Variants in LCLAT1 observed in about 807,000 individuals in gnomAD.
LCLAT1 encodes lysocardiolipin acyltransferase 1.
Under a neutral mutation model 30.7 loss-of-function variants are expected in LCLAT1, and 11 were observed. The ratio of observed to expected loss-of-function variants is 0.36; its 90% CI spans 0.23 to 0.59. LCLAT1 has a LOEUF of 0.59. LCLAT1 is among the 20% of genes least tolerant of loss of function. LCLAT1 has a pLI of 0.77. For synonymous variants in LCLAT1, 155 were observed against 151.3 expected (o/e 1.02, Z -0.18); for missense variants, 402 against 458.6 (o/e 0.88, Z 1.13).
chr2:30,454,392 G>C (rs1681717945), intron 1 of LCLAT1, among the ~76,000 whole-genome samples: 1 of 151,918 alleles, frequency 6.6e-6, no homozygotes, highest in Admixed American at 6.6e-5. Flanking sequence ...TGAATTACTG[G>C]GTTAACATAC....
At chr2:30,573,082 G>C (rs1665852343) in intron 5 of LCLAT1, among the ~76,000 whole-genome samples, 1 of 152,142 alleles carries the variant, frequency 6.6e-6, no homozygotes, top group East Asian at 1.9e-4. Flanking sequence ...TGTAAAAACA[G>C]AATGTACTTA....
intron 3 of LCLAT1, among the ~76,000 whole-genome samples, chr2:30,536,859 C>G (rs1006583207): frequency 6.6e-5 from 10 of 152,106 alleles, no homozygotes; most frequent in African/African-American, 2.4e-4. Flanking sequence ...AAGTCCTCAC[C>G]TATTAATAAC....
At chr2:30,455,426 T>C (rs1321225245) in intron 1 of LCLAT1, among the ~76,000 whole-genome samples, 1 of 152,210 alleles carries the variant, frequency 6.6e-6, no homozygotes, top group African/African-American at 2.4e-5. Context: ...TCATTATCAG[T>C]CAGCCAAGAT....
Position 30,447,383 on chromosome 2 carries a change from G to A in LCLAT1, c.-5G>A, listed in dbSNP as rs1026471212. 6.6e-6 allele frequency: 1 copy of A among 152,368 alleles called. No individual in the cohort carries two copies. The allele number at this position is 152,368 out of a possible 1,614,324, so 9.4% of individuals were successfully genotyped here. On this transcript the variant is annotated splice_region_variant and 5_prime_UTR_variant, in exon 1 of 6. Transcript: ENST00000379509. The stretch of plus-strand genomic sequence containing the variant: ...CGCGCGGCGTGCCCTGCTTGTCACA[G>A]GTGGGAGGCTGGAACTATCAGGTGG...
chr2:30,468,440 A>G (rs1558457011), intron 1 of LCLAT1, among the ~76,000 whole-genome samples: 1 of 152,036 alleles, frequency 6.6e-6, no homozygotes, highest in Non-Finnish European at 1.5e-5. Context: ...TGCAAAATTA[A>G]TTGAAATTTC....
At chr2:30,474,135 C>A (rs1265037253) in intron 1 of LCLAT1, among the ~76,000 whole-genome samples, 1 of 152,032 alleles carries the variant, frequency 6.6e-6, no homozygotes, top group African/African-American at 2.4e-5. Flanking sequence ...TAAAATAACC[C>A]ACAAATTTAT....
Position 30,462,656 on chromosome 2 carries a change from A to G in LCLAT1, c.-5+15273A>G, listed in dbSNP as rs116465288. Among the ~76,000 whole-genome samples the G allele has an allele frequency of 6.6e-3, 1,012 of 152,356 alleles. 10 individuals are homozygous for G. The highest frequency in any genetic ancestry group is 0.023 in the African/African-American group (960 of 41,580). ...TCTTTTAACTGACAGAGCTTGTGCTAAAGCTTTGTCCTTTGAAGCTAGAGT... is the reference window on the plus strand; with the variant it reads ...TCTTTTAACTGACAGAGCTTGTGCTGAAGCTTTGTCCTTTGAAGCTAGAGT... On this transcript the variant is annotated intron_variant, in intron 1 of 5. Coordinates refer to ENST00000379509, the MANE Select transcript of LCLAT1 (RefSeq NM_001002257.3).
chr2:30,580,429 A>T (rs1317576541), intron 5 of LCLAT1, among the ~76,000 whole-genome samples: 1 of 152,150 alleles, frequency 6.6e-6, no homozygotes, highest in Non-Finnish European at 1.5e-5. Context: ...AGCAACTATA[A>T]TGTATTTGAT....
At chr2:30,542,339 T>C (rs1664180928) in intron 3 of LCLAT1, among the ~76,000 whole-genome samples, 2 of 152,176 alleles carry the variant, frequency 1.3e-5, no homozygotes, top group African/African-American at 4.8e-5. Flanking sequence ...GTGACCCATT[T>C]TGATTCAGTT....
At chr2:30,595,936 C>A (rs1558543182) in intron 5 of LCLAT1, among the ~76,000 whole-genome samples, 1 of 152,140 alleles carries the variant, frequency 6.6e-6, no homozygotes, top group Non-Finnish European at 1.5e-5. Flanking sequence ...ATAATGGCTT[C>A]CAGCTGTATC....
At chr2:30,512,699 T>C (rs1684998027) in intron 1 of LCLAT1, among the ~76,000 whole-genome samples, 1 of 152,226 alleles carries the variant, frequency 6.6e-6, no homozygotes, top group Non-Finnish European at 1.5e-5. Context: ...ATCTATTATA[T>C]TTTGCAATCG....
chr2:30,619,644 C>A (rs1423285775), intron 5 of LCLAT1, among the ~76,000 whole-genome samples: 6 of 152,148 alleles, frequency 3.9e-5, no homozygotes, highest in Non-Finnish European at 7.4e-5. Context: ...ACTATTCAAC[C>A]CAGCCCAGGT....
At chr2:30,614,700 G>A (rs202041184) in intron 5 of LCLAT1, among the ~76,000 whole-genome samples, 2 of 152,164 alleles carry the variant, frequency 1.3e-5, no homozygotes, top group East Asian at 1.9e-4. Context: ...AAAGGAGAGA[G>A]GCAGGAGATA....
chr2:30,474,050 A>G (rs1018770499), intron 1 of LCLAT1, among the ~76,000 whole-genome samples: 1 of 152,242 alleles, frequency 6.6e-6, no homozygotes, highest in Non-Finnish European at 1.5e-5. Context: ...TTATGCAGCT[A>G]TGAAAATACA....
chr2:30,584,057 T>G (rs1211857295), intron 5 of LCLAT1, among the ~76,000 whole-genome samples: 5 of 152,064 alleles, frequency 3.3e-5, no homozygotes, highest in Non-Finnish European at 5.9e-5. Context: ...CTGGTGTGTG[T>G]TGTTCCCCTC....
At chr2:30,570,603 G>T (rs1018152120) in intron 5 of LCLAT1, among the ~76,000 whole-genome samples, 1 of 152,184 alleles carries the variant, frequency 6.6e-6, no homozygotes, top group African/African-American at 2.4e-5. Flanking sequence ...AATAGCTCTT[G>T]TTCTTTCTAC....
intron 5 of LCLAT1, among the ~76,000 whole-genome samples, chr2:30,604,456 T>G (rs913017571): frequency 6.6e-6 from 1 of 152,146 alleles, no homozygotes; most frequent in Non-Finnish European, 1.5e-5. Context: ...TTAATTCTGT[T>G]GTACTGCAAA....
At chr2:30,470,593 C>T (rs1682728361) in intron 1 of LCLAT1, among the ~76,000 whole-genome samples, 1 of 152,208 alleles carries the variant, frequency 6.6e-6, no homozygotes, top group South Asian at 2.1e-4. Flanking sequence ...AAGATGGAGT[C>T]AGCTACGTTA....
chr2:30,494,527 T>C (rs1683997649), intron 1 of LCLAT1, among the ~76,000 whole-genome samples: 1 of 148,228 alleles, frequency 6.7e-6, no homozygotes, highest in African/African-American at 2.5e-5. Context: ...AACCTATATT[T>C]TTGCATACAT....
Sources: allele counts gnomAD v4.1 joint callset (sites outside exome capture counted in the v4.1 genomes callset), GRCh38; gene constraint gnomAD v4.1.1; transcripts MANE v1.5; gene names NCBI Gene and HGNC (gene_info 2026-07-23, HGNC 2026-07-21).